Variants in STX7 observed in about 807,000 individuals in gnomAD.
The protein encoded by STX7 is syntaxin 7.
Under a neutral mutation model 39.6 loss-of-function variants are expected in STX7, and 34 were observed. That is an observed-to-expected ratio of 0.86 (90% CI 0.65 to 1.14). The LOEUF is 1.14. Among genes scored for constraint, STX7 ranks in the 50% most tolerant of loss-of-function variants. The pLI, the probability that STX7 is intolerant of heterozygous loss-of-function variation, is 0.00. For missense variants in STX7, 284 were observed against 310.4 expected (o/e 0.92, Z 0.64); for synonymous variants, 119 against 99.1 (o/e 1.20, Z -1.19).
intron 1 of STX7, among the ~76,000 whole-genome samples, chr6:132,506,712 ACAGAAAACAG>A (rs1291982318): frequency 1.3e-5 from 2 of 152,186 alleles, no homozygotes; most frequent in Non-Finnish European, 2.9e-5. Context: ...TACAACCTCT[ACAGAAAACAG>A]CATGGCAAGT....
At chr6:132,471,973 G>T (rs1774734721) in intron 4 of STX7, among the ~76,000 whole-genome samples, 1 of 152,122 alleles carries the variant, frequency 6.6e-6, no homozygotes, top group Non-Finnish European at 1.5e-5. Context: ...CATCTTGAAT[G>T]AGCCTGCATG....
At chr6:132,477,423 T>C (rs1164632828) in intron 2 of STX7, among the ~76,000 whole-genome samples, 1 of 151,874 alleles carries the variant, frequency 6.6e-6, no homozygotes, top group African/African-American at 2.4e-5. Context: ...TCATAGCAAG[T>C]GAGAAAAAAT....
intron 2 of STX7, among the ~76,000 whole-genome samples, chr6:132,489,661 A>G (rs1775228126): frequency 6.6e-6 from 1 of 152,184 alleles, no homozygotes; most frequent in African/African-American, 2.4e-5. Context: ...CGAGGCTGGA[A>G]GCTCAATGGA....
rs979056990 is a variant in STX7 at position 132,459,563 on chromosome 6, T to G, written c.*1195A>C. On this transcript the variant is annotated 3_prime_UTR_variant, in exon 10 of 10. Coordinates refer to ENST00000367941, the MANE Select transcript of STX7 (RefSeq NM_003569.3). The stretch of plus-strand genomic sequence containing the variant: ...GTTGCAAAGATGTGGTTTACTTAGC[T>G]ACTTACTATTTGTTCCCATTTGAAG... 3.3e-5 allele frequency: 5 copies of G among 151,948 alleles called. No homozygotes were observed. The highest frequency in any genetic ancestry group is 1.2e-4 in the African/African-American group (5 of 41,446). 9.4% of individuals were successfully genotyped at this position (151,948 alleles called of 1,614,324 possible). A position where few individuals can be genotyped will look rare whatever the true frequency, so the allele number is the denominator to read the frequency against.
At chr6:132,469,859 G>C in intron 7 of STX7, 92 bp downstream of exon 7, 1 of 1,068,946 alleles carries the variant, frequency 9.4e-7, no homozygotes. Context: ...AAATTTTTCT[G>C]TCTCATGCAT....
chr6:132,504,006 T>C (rs1775640444), intron 1 of STX7, among the ~76,000 whole-genome samples: 1 of 152,228 alleles, frequency 6.6e-6, no homozygotes, highest in Non-Finnish European at 1.5e-5. Context: ...AACAGGCATT[T>C]AAATATTTAT....
chr6:132,507,275 C>A (rs1003505216), intron 1 of STX7, among the ~76,000 whole-genome samples: 6 of 152,280 alleles, frequency 3.9e-5, no homozygotes, highest in African/African-American at 1.4e-4. Flanking sequence ...TGCATGTGCA[C>A]CCCTTAAATT....
intron 9 of STX7, 61 bp from the exon 10 acceptor site, chr6:132,460,911 T>A (rs1387600830): frequency 2.2e-6 from 3 of 1,386,910 alleles, no homozygotes; most frequent in Non-Finnish European, 3.0e-6. Flanking sequence ...GTGGAGTACC[T>A]CTACAGCAAC....
At chr6:132,483,320 G>T (rs910331468) in intron 2 of STX7, among the ~76,000 whole-genome samples, 1 of 152,118 alleles carries the variant, frequency 6.6e-6, no homozygotes, top group Non-Finnish European at 1.5e-5. Context: ...TTGTTATAGT[G>T]TACTGTGTTT....
At chr6:132,461,922 T>G (rs1401720472) in intron 9 of STX7, 1 of 1,387,722 alleles carries the variant, frequency 7.2e-7, no homozygotes. Context: ...AAAATATTTA[T>G]AAAAAGATAC....
At chr6:132,474,045 AT>A (rs1382204793) in intron 3 of STX7, among the ~76,000 whole-genome samples, 1 of 151,888 alleles carries the variant, frequency 6.6e-6, no homozygotes, top group Non-Finnish European at 1.5e-5. Context: ...TGCCGGCAAC[AT>A]GGCAAAACAC....
intron 2 of STX7, among the ~76,000 whole-genome samples, chr6:132,497,081 C>T (rs778467674): frequency 3.3e-5 from 5 of 152,114 alleles, no homozygotes; most frequent in Non-Finnish European, 7.4e-5. Flanking sequence ...GAGCCAGTAA[C>T]CCAATTCCTT....
intron 9 of STX7, chr6:132,461,754 T>C (rs1490238859): frequency 8.7e-6 from 12 of 1,386,170 alleles, no homozygotes; most frequent in Admixed American, 7.5e-5. Context: ...AATGCTGTCA[T>C]TGAAAACCGA....
At chr6:132,487,856 C>G (rs1562332782) in intron 2 of STX7, among the ~76,000 whole-genome samples, 1 of 152,032 alleles carries the variant, frequency 6.6e-6, no homozygotes, top group African/African-American at 2.4e-5. Flanking sequence ...CTATTGATCT[C>G]AAAGAAATAG....
chr6:132,512,759 G>A (rs909528780), intron 1 of STX7, among the ~76,000 whole-genome samples: 104 of 152,262 alleles, frequency 6.8e-4, no homozygotes, highest in Admixed American at 6.8e-3. Flanking sequence ...AGGCCCACCT[G>A]ACCACAGCCG....
intron 9 of STX7, among the ~76,000 whole-genome samples, chr6:132,462,349 G>T (rs758326462): frequency 3.3e-5 from 5 of 152,230 alleles, no homozygotes; most frequent in Non-Finnish European, 7.3e-5. Context: ...GGAGCTGGGG[G>T]AATTAAGCCT....
intron 3 of STX7, among the ~76,000 whole-genome samples, chr6:132,474,930 C>T (rs886803609): frequency 1.3e-5 from 2 of 152,038 alleles, no homozygotes; most frequent in East Asian, 1.9e-4. Flanking sequence ...AGACAGCTCA[C>T]GTAGCTGGTT....
At chr6:132,506,417 A>G (rs1582686719) in intron 1 of STX7, among the ~76,000 whole-genome samples, 1 of 152,012 alleles carries the variant, frequency 6.6e-6, no homozygotes, top group African/African-American at 2.4e-5. Flanking sequence ...CCCACAAATA[A>G]CCCCATTAAA....
At chr6:132,478,775 T>C (rs1407082560) in intron 2 of STX7, among the ~76,000 whole-genome samples, 1 of 152,216 alleles carries the variant, frequency 6.6e-6, no homozygotes, top group Non-Finnish European at 1.5e-5. Flanking sequence ...TACCTGCTTA[T>C]ATGGCAAATA....
Sources: allele counts gnomAD v4.1 joint callset (sites outside exome capture counted in the v4.1 genomes callset), GRCh38; gene constraint gnomAD v4.1.1; transcripts MANE v1.5; gene names NCBI Gene and HGNC (gene_info 2026-07-23, HGNC 2026-07-21).